The following LIPC variants were observed in gnomAD, a reference collection of about 807,000 sequenced individuals.
The protein encoded by LIPC is hepatic triacylglycerol lipase.
LIPC carries 44 observed loss-of-function variants against 50.7 expected under a neutral mutation model. The ratio of observed to expected loss-of-function variants is 0.87; its 90% confidence interval spans 0.68 to 1.11. The LOEUF (loss-of-function observed/expected upper bound fraction) is 1.11. Ranked by LOEUF, LIPC falls within the 50% of genes most tolerant of loss-of-function variation. The pLI is 0.00. For missense variants in LIPC, 697 were observed against 648.2 expected (o/e 1.08, Z -0.82); for synonymous variants, 271 against 256.4 (o/e 1.06, Z -0.54).
intron 8 of LIPC, 51 bp from the exon 9 acceptor site, chr15:58,568,665 T>A (rs776744386): frequency 6.8e-6 from 7 of 1,033,108 alleles, no homozygotes; most frequent in Non-Finnish European, 9.1e-6. Flanking sequence ...AACACTTCAA[T>A]AAGCTCCACC....
chr15:58,489,229 G>A (rs943934672), intron 1 of LIPC, among the ~76,000 whole-genome samples: 1 of 101,672 alleles, frequency 9.8e-6, no homozygotes, highest in Non-Finnish European at 2.1e-5. Flanking sequence ...GGGGCGGGGG[G>A]GCGGCTTACA....
At position 58,465,693 on chromosome 15, in the gene LIPC, C is replaced by A. The variant is rs191168085; in HGVS notation, c.88+33573C>A. On this transcript the variant is annotated intron_variant, in intron 1 of 8. Coordinates refer to ENST00000299022, the MANE Select transcript of LIPC (RefSeq NM_000236.3). Reference sequence around the variant, plus strand: ...CACAGGCCTAGGAAGTCAGCTGGGGCAGGAAGGCTCAGACAAGGCAAGGGG... The same window carrying A: ...CACAGGCCTAGGAAGTCAGCTGGGGAAGGAAGGCTCAGACAAGGCAAGGGG... 4.6e-3 allele frequency among the ~76,000 whole-genome samples: 698 copies of A among 152,222 alleles called. 4 individuals are homozygous for A. Among genetic ancestry groups the A allele is most frequent in the African/African-American group, 0.016 (668 of 41,532 alleles).
intron 1 of LIPC, chr15:58,454,774 G>A (rs917916551): frequency 1.3e-5 from 2 of 152,262 alleles, no homozygotes; most frequent in Middle Eastern, 3.2e-3. Context: ...TTGGTGAGAT[G>A]TGTCGCCCAC....
chr15:58,494,977 C>T, intron 1 of LIPC: 1 of 426,578 alleles, frequency 2.3e-6, no homozygotes, highest in South Asian at 1.7e-5. Flanking sequence ...GTCATTGATC[C>T]AACATCAACC....
At chr15:58,522,204 T>C in intron 1 of LIPC, 1 of 153,392 alleles carries the variant, frequency 6.5e-6, no homozygotes, top group African/African-American at 2.4e-5. Context: ...GTGACTCGCC[T>C]AAGCCTGATC....
chr15:58,451,162 C>G (rs994594088), intron 1 of LIPC, among the ~76,000 whole-genome samples: 16 of 152,078 alleles, frequency 1.1e-4, no homozygotes, highest in African/African-American at 3.4e-4. Context: ...AGGCCCTGAC[C>G]GGCACAGGAT....
At chr15:58,472,095 C>A (rs1890829265) in intron 1 of LIPC, among the ~76,000 whole-genome samples, 1 of 151,668 alleles carries the variant, frequency 6.6e-6, no homozygotes. Flanking sequence ...CATCGTGAAA[C>A]CCCATCTCTA....
intron 6 of LIPC, among the ~76,000 whole-genome samples, chr15:58,555,059 T>G (rs1385687570): frequency 6.6e-6 from 1 of 152,074 alleles, no homozygotes; most frequent in Non-Finnish European, 1.5e-5. Flanking sequence ...TAGGGACACA[T>G]GTTGTAGAAA....
chr15:58,495,442 G>A (rs1260338338), intron 1 of LIPC, among the ~76,000 whole-genome samples: 2 of 152,090 alleles, frequency 1.3e-5, no homozygotes, highest in Admixed American at 6.6e-5. Flanking sequence ...TTAACCATAT[G>A]CTCTAGGCAT....
In LIPC at chr15:58,531,064, G is replaced by T. The variant is rs147266732; in HGVS notation, c.89-7269G>T. Among the ~76,000 whole-genome samples the T allele has an allele frequency of 1.5e-3, 227 of 152,314 alleles. 1 individual carries two copies. The highest frequency in any genetic ancestry group is 5.3e-3 in the African/African-American group (220 of 41,572). ...TAGTAAGTGTACATTTGCCTTTAAA[G>T]AACTTGTCAAACGGTTTTCCAAAGA... On this transcript the variant is annotated intron_variant, in intron 1 of 8. Coordinates refer to ENST00000299022, the MANE Select transcript of LIPC (RefSeq NM_000236.3).
At chr15:58,513,248 AT>A (rs1346637247) in intron 1 of LIPC, among the ~76,000 whole-genome samples, 1 of 152,178 alleles carries the variant, frequency 6.6e-6, no homozygotes, top group Non-Finnish European at 1.5e-5. Flanking sequence ...CACTCCCTTG[AT>A]GTGAATTTGC....
Position 58,494,113 on chromosome 15 carries a change from G to T in LIPC, c.89-44220G>T, listed in dbSNP as rs574948228. Among the ~76,000 whole-genome samples, 4 of 152,298 alleles carry T rather than the reference G, an allele frequency of 2.6e-5. No individual in the cohort carries two copies. In the East Asian group the frequency reaches 7.7e-4, roughly 29 times the overall value. ...GACAGAGGCTTCAGTTCCTTGCCAT[G>T]GGGGCCTCTCCCTAAAGCTGCTCAC... is the stretch of plus-strand genomic sequence containing the variant. On this transcript the variant is annotated intron_variant, in intron 1 of 8. Coordinates refer to ENST00000299022, the MANE Select transcript of LIPC (RefSeq NM_000236.3).
chr15:58,468,596 C>A (rs191895857), intron 1 of LIPC, among the ~76,000 whole-genome samples: 61 of 152,222 alleles, frequency 4.0e-4, no homozygotes, highest in Admixed American at 2.1e-3. Flanking sequence ...GCTGTCCAAC[C>A]CTGTGACGTT....
At chr15:58,432,353 G>A (rs562483146) in intron 1 of LIPC, 1 of 571,090 alleles carries the variant, frequency 1.8e-6, no homozygotes, top group African/African-American at 1.9e-5. Flanking sequence ...CCTGCAGCTA[G>A]CAGTGAAGTC....
At chr15:58,503,017 C>T (rs1328557832) in intron 1 of LIPC, among the ~76,000 whole-genome samples, 1 of 149,628 alleles carries the variant, frequency 6.7e-6, no homozygotes, top group Non-Finnish European at 1.5e-5. Context: ...GCATCATTGA[C>T]AATAGTATAC....
chr15:58,566,278 G>A (rs1894362962), intron 8 of LIPC: 1 of 985,454 alleles, frequency 1.0e-6, no homozygotes, highest in Non-Finnish European at 1.2e-6. Context: ...GCCAAGAGGT[G>A]TTCCCAGGGA....
chr15:58,494,856 T>C (rs1891712881), intron 1 of LIPC: 1 of 456,274 alleles, frequency 2.2e-6, no homozygotes, highest in South Asian at 1.5e-5. Context: ...CCTCCCTTCA[T>C]CTGATTTCCT....
At chr15:58,567,218 T>G (rs1175496997) in intron 8 of LIPC, among the ~76,000 whole-genome samples, 1 of 109,272 alleles carries the variant, frequency 9.2e-6, no homozygotes, top group Non-Finnish European at 1.8e-5. Flanking sequence ...ATAAAAAATA[T>G]ATATATATAT....
chr15:58,526,746 G>T (rs1384865549), intron 1 of LIPC, among the ~76,000 whole-genome samples: 1 of 152,184 alleles, frequency 6.6e-6, no homozygotes, highest in Non-Finnish European at 1.5e-5. Flanking sequence ...TCTTAGGCAA[G>T]TTTGGAAAGG....
Sources: gnomAD v4.1 joint callset for allele counts (sites outside exome capture counted in the v4.1 genomes callset) on GRCh38, gnomAD v4.1.1 for gene constraint, MANE v1.5 for transcripts, NCBI Gene and HGNC (gene_info 2026-07-23, HGNC 2026-07-21) for gene names.